GLI1: variants seen among roughly 807,000 people sequenced by gnomAD.
GLI1 encodes the protein transcription activator GLI1.
Under a neutral mutation model 87.8 loss-of-function variants are expected in GLI1, and 51 were observed. The ratio of observed to expected loss-of-function variants is 0.58; its 90% CI spans 0.46 to 0.73. The LOEUF (loss-of-function observed/expected upper bound fraction) is 0.73, where lower values mean the gene tolerates loss of function less well. GLI1 is among the 30% of genes least tolerant of loss of function. The probability of loss-of-function intolerance (pLI) is 0.00; values close to 1 mark genes in which losing one functional copy is unlikely to be tolerated. For synonymous variants in GLI1, 528 were observed against 558.2 expected, an observed-to-expected ratio of 0.95 and a Z score of 0.76; for missense variants, 1,292 against 1,437.2, an observed-to-expected ratio of 0.90 and a Z score of 1.63.
In GLI1 at chr12:57,470,649, C is replaced by A. The variant is rs200606293; in HGVS notation, c.1909C>A (p.Arg637=). 2.1e-5 allele frequency: 34 copies of A among 1,613,540 alleles called. No homozygotes were observed. In the African/African-American group the frequency reaches 4.4e-4, roughly 21 times the overall value. The change falls in exon 12 of 12, where the codon CGG becomes AGG. Residue 637 remains arginine (R), a synonymous_variant. Transcript: ENST00000228682. ...PGYNPNAGVT[R]RASDPAQAAD... The stretch of plus-strand genomic sequence containing the variant: ...ATACAACCCCAATGCAGGGGTCACC[C>A]GGAGGGCCAGTGACCCAGCCCAGGC...
Position 57,470,456 on chromosome 12 carries a change from G to T in GLI1, c.1716G>T (p.Glu572Asp), listed in dbSNP as rs1409981398. 2 of 1,614,162 alleles carry T rather than the reference G, an allele frequency of 1.2e-6. No homozygotes were observed. The change falls in exon 12 of 12, where the codon GAG becomes GAT. Residue 572 changes from glutamate to aspartate, a missense_variant. Glu to Asp is a conservative substitution (Grantham distance 45, BLOSUM62 2). This residue lies in a region of GLI1 where 897 missense variants were observed against 1,040.7 expected (regional missense o/e 0.86). Transcript: ENST00000228682. ...CTTTCCCCCCTGGCTCCCCACCAGA[G>T]AATGGAGCATCCTCCCTGCCTGGCC... Reference protein sequence around the residue: ...ASPFPPGSPPENGASSLPGLM... With the variant: ...ASPFPPGSPPDNGASSLPGLM...
Position 57,463,675 on chromosome 12 carries a change from C to T in GLI1, c.-17C>T, listed in dbSNP as rs1325797084. The T allele has an allele frequency of 3.3e-6, 5 of 1,529,604 alleles. No individual in the cohort carries two copies. The highest frequency in any genetic ancestry group is 2.7e-5 in the African/African-American group (2 of 73,236). The allele number at this position is 1,529,604 out of a possible 1,614,324, so 94.8% of individuals were successfully genotyped here. On this transcript the variant is annotated 5_prime_UTR_variant, in exon 2 of 12. Transcript: ENST00000228682. ...CTTCCCTTTCTGCAGTGTCCCCACA[C>T]CCTCCTCTGAGACGCCATGTTCAAC...
intron 4 of GLI1, 100 bp downstream of exon 4, chr12:57,464,968 A>G (rs1324044645): frequency 8.1e-7 from 1 of 1,240,738 alleles, no homozygotes; most frequent in African/African-American, 1.5e-5. Flanking sequence ...AATCCTTGTC[A>G]TTTCAAAGAC....
At chr12:57,462,966 C>T (rs1392729244) in intron 1 of GLI1, among the ~76,000 whole-genome samples, 1 of 152,184 alleles carries the variant, frequency 6.6e-6, no homozygotes, top group Non-Finnish European at 1.5e-5. Flanking sequence ...GTTCTCCCAT[C>T]CCACCCTCAA....
rs1015049111 is a variant in GLI1 at position 57,467,641 on chromosome 12, GA to G, written c.1077+147del. 4 of 699,544 alleles carry G rather than the reference GA, an allele frequency of 5.7e-6. No homozygotes were observed. In the African/African-American group the frequency reaches 7.2e-5, roughly 13 times the overall value. The allele number at this position is 699,544 out of a possible 1,614,324, so 43.3% of individuals were successfully genotyped here. On this transcript the variant is annotated intron_variant, in intron 9 of 11. Coordinates refer to ENST00000228682, the MANE Select transcript of GLI1 (RefSeq NM_005269.3). ...TAATTCGCCCAGAAAAGGCTTTTCT[GA>G]AACCCAGAATTTCCACTTAACCACT...
At chr12:57,462,791 C>T (rs1013513877) in intron 1 of GLI1, among the ~76,000 whole-genome samples, 41 of 152,220 alleles carry the variant, frequency 2.7e-4, no homozygotes, top group African/African-American at 9.4e-4. Context: ...GGCTTGTGCT[C>T]CCTCCTGGCC....
chr12:57,462,463 C>A (rs540375856), intron 1 of GLI1, among the ~76,000 whole-genome samples: 7 of 152,110 alleles, frequency 4.6e-5, no homozygotes, highest in Admixed American at 4.6e-4. Flanking sequence ...CATCCCGCCC[C>A]ACCCCACCCT....
Position 57,471,402 on chromosome 12 carries a change from C to T in GLI1, c.2662C>T (p.His888Tyr). 1 of 1,613,416 alleles carries T rather than the reference C, an allele frequency of 6.2e-7. No individual in the cohort carries two copies. The highest frequency in any genetic ancestry group is 2.2e-5 in the East Asian group (1 of 44,872). ...TTGCCTGGACTTTGATTCCCCCACC[C>T]ATTCCACAGGGCAGCTCAAGGCTCA... Reference protein sequence around the residue: ...RPCLDFDSPTHSTGQLKAQLV... With the variant: ...RPCLDFDSPTYSTGQLKAQLV... The change falls in exon 12 of 12, where the codon CAT becomes TAT. Residue 888 changes from histidine to tyrosine, a missense_variant. By Grantham distance (83) the His-to-Tyr change is moderately conservative. Coordinates refer to ENST00000228682, the MANE Select transcript of GLI1 (RefSeq NM_005269.3). This position sits in a 1 kb window ranked among gnomAD's most constrained non-coding sequence, Gnocchi z 4.9.
Position 57,471,276 on chromosome 12 carries a change from C to T in GLI1, c.2536C>T (p.Pro846Ser), listed in dbSNP as rs771594350. ...CAGTGAGGGGCCCCCACATCCACAG[C>T]CTCTCTTTTCCCATTACCCCCAGCC... The part of the protein sequence containing the change: ...HPSEGPPHPQ[P>S]LFSHYPQPSP... Residue 846 changes from proline to serine, a missense_variant, in exon 12 of 12, where the codon CCT becomes TCT. By Grantham distance (74) the Pro-to-Ser change is moderately conservative. Around this residue, in one of 3 missense-constraint regions of GLI1, gnomAD observed 897 missense variants for 1,040.7 expected, o/e 0.86. Coordinates refer to ENST00000228682, the MANE Select transcript of GLI1 (RefSeq NM_005269.3). This position sits in a 1 kb window ranked among gnomAD's most constrained non-coding sequence, Gnocchi z 4.9. 1 of 1,594,388 alleles carries T rather than the reference C, an allele frequency of 6.3e-7. No individual in the cohort carries two copies. Among genetic ancestry groups the T allele is most frequent in the African/African-American group, 1.3e-5 (1 of 74,372 alleles).
In GLI1 at chr12:57,468,105, C is replaced by A. The variant is rs374433509; in HGVS notation, c.1189C>A (p.His397Asn). The change falls in exon 10 of 12, where the codon CAC (histidine) becomes AAC (asparagine). Residue 397 changes from histidine (H) to asparagine (N), a missense_variant. This residue lies in a region of GLI1 where 897 missense variants were observed against 1,040.7 expected (regional missense o/e 0.86). Transcript: ENST00000228682. ...HGPDAHVTKR[H>N]RGDGPLPRAP... Reference sequence around the variant, plus strand: ...TCCTGACGCCCATGTGACCAAACGGCACCGTGGGGATGGCCCCCTGCCTCG... The same window carrying A: ...TCCTGACGCCCATGTGACCAAACGGAACCGTGGGGATGGCCCCCTGCCTCG... 6.2e-7 allele frequency: 1 copy of A among 1,614,078 alleles called. No individual in the cohort carries two copies. Among genetic ancestry groups the A allele is most frequent in the Non-Finnish European group, 8.5e-7 (1 of 1,179,912 alleles).
rs748413929 is a variant in GLI1 at position 57,471,924 on chromosome 12, C to T, written c.3184C>T (p.Pro1062Ser). ...GGATGAGCCCCAGGGGCTGAGTCCT[C>T]CTCCTTCCCATGATCAGCGGGGCAG... ...ILDEPQGLSP[P>S]PSHDQRGSSG... The change falls in exon 12 of 12, where the codon CCT becomes TCT. Residue 1062 changes from proline to serine, a missense_variant. Physicochemically the swap from Pro to Ser is moderately conservative, Grantham distance 74. This residue lies in a region of GLI1 where 897 missense variants were observed against 1,040.7 expected (regional missense o/e 0.86). Transcript: ENST00000228682. This position sits in a 1 kb window ranked among gnomAD's most constrained non-coding sequence, Gnocchi z 4.9. 6 of 1,612,406 alleles carry T rather than the reference C, an allele frequency of 3.7e-6. No homozygotes were observed. Among genetic ancestry groups the T allele is most frequent in the Non-Finnish European group, 5.1e-6 (6 of 1,179,104 alleles).
At chr12:57,466,055 A>C in intron 7 of GLI1, 130 bp downstream of exon 7, 1 of 1,073,874 alleles carries the variant, frequency 9.3e-7, no homozygotes, top group East Asian at 2.4e-5. Context: ...GGGTAGGCAG[A>C]AGCTCAGAAG....
chr12:57,460,893 C>T (rs968897576), intron 1 of GLI1, among the ~76,000 whole-genome samples: 2 of 152,084 alleles, frequency 1.3e-5, no homozygotes, highest in African/African-American at 4.8e-5. Flanking sequence ...GAGACCTTGT[C>T]TTGACCCTCT....
At position 57,472,159 on chromosome 12, in the gene GLI1, C is replaced by T; in HGVS notation, c.*98C>T. 4 of 798,878 alleles carry T rather than the reference C, an allele frequency of 5.0e-6. No individual in the cohort carries two copies. The highest frequency in any genetic ancestry group is 1.9e-6 in the Non-Finnish European group (1 of 528,194). The allele number at this position is 798,878 out of a possible 1,614,324, so 49.5% of individuals were successfully genotyped here. ...GCTGCAGTCCCATGCACAAGATGCC[C>T]CAGGGATGGGAGGTATGGGCTGGGG... On this transcript the variant is annotated 3_prime_UTR_variant, in exon 12 of 12. Transcript: ENST00000228682.
At chr12:57,462,054 C>G (rs1169727456) in intron 1 of GLI1, among the ~76,000 whole-genome samples, 2 of 152,186 alleles carry the variant, frequency 1.3e-5, no homozygotes, top group Non-Finnish European at 2.9e-5. Flanking sequence ...GGAGGCTCTT[C>G]GGCAGCTAGG....
chr12:57,471,096 C>T lies in GLI1; in HGVS notation c.2356C>T (p.His786Tyr). 1 of 1,613,580 alleles carries T rather than the reference C, an allele frequency of 6.2e-7. No homozygotes were observed. Among genetic ancestry groups the T allele is most frequent in the Non-Finnish European group, 8.5e-7 (1 of 1,179,810 alleles). Reference protein sequence around the residue: ...TQETWGEFPSHSGLYPGPKAL... With the variant: ...TQETWGEFPSYSGLYPGPKAL... ...AGAAACATGGGGTGAGTTCCCTTCC[C>T]ACTCTGGGCTGTACCCAGGCCCCAA... Residue 786 changes from histidine (H) to tyrosine (Y), a missense_variant, in exon 12 of 12, where the codon CAC becomes TAC. This residue lies in a region of GLI1 where 897 missense variants were observed against 1,040.7 expected (regional missense o/e 0.86). Transcript: ENST00000228682. This position sits in a 1 kb window ranked among gnomAD's most constrained non-coding sequence, Gnocchi z 4.9.
At chr12:57,469,266 G>A (rs1222330729) in intron 10 of GLI1, among the ~76,000 whole-genome samples, 165 bp from the exon 11 acceptor site, 1 of 152,142 alleles carries the variant, frequency 6.6e-6, no homozygotes, top group African/African-American at 2.4e-5. Context: ...CTCATCAAAC[G>A]TCTCACATTC....
intron 7 of GLI1, 86 bp downstream of exon 7, chr12:57,466,011 G>C: frequency 1.5e-6 from 2 of 1,300,428 alleles, no homozygotes; most frequent in South Asian, 2.6e-5. Context: ...CTGAGGGCAG[G>C]AGGTCAGAGG....
chr12:57,464,001 C>G lies in GLI1; in HGVS notation c.103C>G (p.Leu35Val). The change falls in exon 3 of 12, where the codon CTG (leucine) becomes GTG (valine). Residue 35 changes from leucine to valine, a missense_variant and splice_region_variant. Leu to Val is a conservative substitution (Grantham distance 32). Transcript: ENST00000228682. ...TTCCAGCTGTCTCTTTTTTCTAGGA[C>G]TGTCTGGCCCGCCCTTCTGCCACCA... is the stretch of plus-strand genomic sequence containing the variant. Reference protein sequence around the residue: ...QGAPSVGTEGLSGPPFCHQAN... With the variant: ...QGAPSVGTEGVSGPPFCHQAN... The G allele has an allele frequency of 1.2e-6, 2 of 1,611,718 alleles. No individual in the cohort carries two copies. The highest frequency in any genetic ancestry group is 1.7e-6 in the Non-Finnish European group (2 of 1,177,806).
Sources: gnomAD v4.1 joint callset for allele counts (sites outside exome capture counted in the v4.1 genomes callset) on GRCh38, gnomAD v4.1.1 for gene constraint, gnomAD v4.1.1 regional missense constraint, Gnocchi (gnomAD v3.1) non-coding constraint, MANE v1.5 for transcripts, NCBI Gene and HGNC (gene_info 2026-07-23, HGNC 2026-07-21) for gene names.